FOXK1: variants seen among roughly 807,000 people sequenced by gnomAD.
FOXK1 encodes forkhead box K1.
In FOXK1, 19 loss-of-function variants were observed where a neutral mutation model predicts 51.9. The ratio of observed to expected loss-of-function variants is 0.37; its 90% CI spans 0.26 to 0.54. FOXK1 has a LOEUF of 0.54. Among genes scored for constraint, FOXK1 ranks in the 20% least tolerant of loss-of-function variants. The pLI is 0.87. For synonymous variants in FOXK1, 537 were observed against 482.6 expected (o/e 1.11, Z -1.48); for missense variants, 870 against 1,032.7 (o/e 0.84, Z 2.16).
intron 1 of FOXK1, among the ~76,000 whole-genome samples, chr7:4,697,741 CTGTGTGTGTGTGTGTGTGTG>C (rs57978112): frequency 2.7e-4 from 36 of 135,692 alleles, no homozygotes; most frequent in Middle Eastern, 3.7e-3. Context: ...GAAAGATAGG[CTGTGTGTGTGTGTGTGTGTG>C]TGTGTGTGTG....
rs939594835 is a variant in FOXK1 at position 4,683,280 on chromosome 7, C to G, written c.560+412C>G. Among the ~76,000 whole-genome samples the G allele has an allele frequency of 6.6e-6, 1 of 151,864 alleles. No individual in the cohort carries two copies. The highest frequency in any genetic ancestry group is 2.4e-5 in the African/African-American group (1 of 41,314). On this transcript the variant is annotated intron_variant, in intron 1 of 8. Coordinates refer to ENST00000328914, the MANE Select transcript of FOXK1 (RefSeq NM_001037165.2). The surrounding 1 kb of genome is among the most constrained non-coding windows in gnomAD (Gnocchi z 4.5). ...CCATCTGGCTGGGCCTCTTAGACCCCTGACCCAGATCCCTGCTGCTCCCCA... is the reference window on the plus strand; with the variant it reads ...CCATCTGGCTGGGCCTCTTAGACCCGTGACCCAGATCCCTGCTGCTCCCCA...
chr7:4,727,034 T>A (rs550305616), intron 1 of FOXK1, among the ~76,000 whole-genome samples: 18 of 152,326 alleles, frequency 1.2e-4, no homozygotes, highest in Admixed American at 3.3e-4. Context: ...AGCCTTGAAT[T>A]CCTGGGCTCA....
In FOXK1 at chr7:4,756,866, G is replaced by A; in HGVS notation, c.1051-128G>A. 2.0e-6 allele frequency: 2 copies of A among 994,854 alleles called. No individual in the cohort carries two copies. Among genetic ancestry groups the A allele is most frequent in the Non-Finnish European group, 2.9e-6 (2 of 679,352 alleles). 61.6% of individuals were successfully genotyped at this position (994,854 alleles called of 1,614,324 possible). ...GCTCCCGTGAGGCCCAGCCAGCACA[G>A]CACCAAGGGCTCTGCACAGAGGGAC... On this transcript the variant is annotated intron_variant, in intron 4 of 8. Coordinates refer to ENST00000328914, the MANE Select transcript of FOXK1 (RefSeq NM_001037165.2). The surrounding 1 kb of genome is among the most constrained non-coding windows in gnomAD (Gnocchi z 4.1).
At chr7:4,719,774 G>A (rs535562966) in intron 1 of FOXK1, among the ~76,000 whole-genome samples, 44 of 152,266 alleles carry the variant, frequency 2.9e-4, no homozygotes, top group African/African-American at 9.9e-4. Flanking sequence ...GAGCCACCGC[G>A]CCCGGCCTGC....
chr7:4,713,486 G>A (rs1404138385), intron 1 of FOXK1, among the ~76,000 whole-genome samples: 3 of 134,124 alleles, frequency 2.2e-5, no homozygotes, highest in African/African-American at 6.3e-5. Flanking sequence ...CATAACCACC[G>A]TGTTTTTTTT....
intron 1 of FOXK1, among the ~76,000 whole-genome samples, chr7:4,728,259 G>T (rs950421382): frequency 5.3e-5 from 8 of 152,208 alleles, no homozygotes; most frequent in Non-Finnish European, 1.0e-4. Context: ...TATTGTTGCT[G>T]TCCTTTCAAG....
Position 4,759,207 on chromosome 7 carries a change from A to C in FOXK1, c.1401A>C (p.Gln467His). 4 of 1,612,190 alleles carry C rather than the reference A, an allele frequency of 2.5e-6. No homozygotes were observed. Among genetic ancestry groups the C allele is most frequent in the Non-Finnish European group, 3.4e-6 (4 of 1,179,708 alleles). The change falls in exon 6 of 9, where the codon CAA (glutamine) becomes CAC (histidine). Residue 467 changes from glutamine to histidine, a missense_variant. Transcript: ENST00000328914. ...LASVPEYRYS[Q>H]SAPGSPVSAQ... is the part of the protein sequence containing the mutation. The stretch of plus-strand genomic sequence containing the variant: ...CTGTCCCAGAGTACCGGTATTCCCA[A>C]AGCGCACCCGGTAAGGAGCGGGCGG...
chr7:4,685,552 G>C (rs1284757464), intron 1 of FOXK1, among the ~76,000 whole-genome samples: 1 of 138,804 alleles, frequency 7.2e-6, no homozygotes. Flanking sequence ...TTTAATTTTA[G>C]AAAACTTACA....
At chr7:4,686,809 G>C (rs553528987) in intron 1 of FOXK1, among the ~76,000 whole-genome samples, 2 of 151,580 alleles carry the variant, frequency 1.3e-5, no homozygotes, top group East Asian at 1.9e-4. Context: ...TGTCCTAAAA[G>C]GACCATGAGC....
chr7:4,728,587 C>T (rs553697469), intron 1 of FOXK1, among the ~76,000 whole-genome samples: 1 of 152,230 alleles, frequency 6.6e-6, no homozygotes, highest in East Asian at 1.9e-4. Context: ...AGATGGGACT[C>T]CTCCTCCAGG....
chr7:4,691,802 C>T (rs1339391048), intron 1 of FOXK1, among the ~76,000 whole-genome samples: 1 of 152,170 alleles, frequency 6.6e-6, no homozygotes, highest in Non-Finnish European at 1.5e-5. Context: ...CCCGTGTACC[C>T]AGGGCAAGAG....
rs1375772463 is a variant in FOXK1, at chr7:4,707,269, T to C, written c.560+24401T>C. On this transcript the variant is annotated intron_variant, in intron 1 of 8. Transcript: ENST00000328914. The surrounding 1 kb of genome is among the most constrained non-coding windows in gnomAD (Gnocchi z 4.1). ...GGTGGTGTTCTGGTGGAGGGGACGC[T>C]GGTAAAGAGCAGGTCTGGCTCAGTG... Among the ~76,000 whole-genome samples the C allele has an allele frequency of 6.6e-6, 1 of 152,102 alleles. No individual in the cohort carries two copies. Among genetic ancestry groups the C allele is most frequent in the Non-Finnish European group, 1.5e-5 (1 of 68,036 alleles).
At chr7:4,696,887 G>A (rs1779958611) in intron 1 of FOXK1, among the ~76,000 whole-genome samples, 1 of 152,136 alleles carries the variant, frequency 6.6e-6, no homozygotes. Context: ...GGCCAACATG[G>A]TGAAACCCCA....
chr7:4,756,914 G>A lies in FOXK1; in HGVS notation c.1051-80G>A, dbSNP rs567528398. On this transcript the variant is annotated intron_variant, in intron 4 of 8. Coordinates refer to ENST00000328914, the MANE Select transcript of FOXK1 (RefSeq NM_001037165.2). The surrounding 1 kb of genome is among the most constrained non-coding windows in gnomAD (Gnocchi z 4.1). Reference sequence around the variant, plus strand: ...GACGGCCTCCCCTCACCCTGGTCCCGCATCTGCTGCAGATTTGAGGTGGGT... The same window carrying A: ...GACGGCCTCCCCTCACCCTGGTCCCACATCTGCTGCAGATTTGAGGTGGGT... 1.7e-5 allele frequency: 25 copies of A among 1,485,532 alleles called. No individual in the cohort carries two copies. In the East Asian group the frequency reaches 3.2e-4, roughly 19 times the overall value. The allele number at this position is 1,485,532 out of a possible 1,614,324, so 92.0% of individuals were successfully genotyped here.
chr7:4,706,526 G>T (rs1047669703), intron 1 of FOXK1, among the ~76,000 whole-genome samples: 2 of 152,146 alleles, frequency 1.3e-5, no homozygotes, highest in African/African-American at 4.8e-5. Flanking sequence ...CAGCATGGCT[G>T]GGTGTCTGTG....
intron 1 of FOXK1, among the ~76,000 whole-genome samples, chr7:4,687,378 C>T (rs527495152): frequency 8.6e-5 from 13 of 152,044 alleles, no homozygotes; most frequent in East Asian, 5.8e-4. Context: ...CTGAAACCTC[C>T]GCCTCCCAGG....
At chr7:4,701,314 G>GGT (rs1170135778) in intron 1 of FOXK1, among the ~76,000 whole-genome samples, 1 of 152,160 alleles carries the variant, frequency 6.6e-6, no homozygotes, top group African/African-American at 2.4e-5. Flanking sequence ...ACGTTTGTTG[G>GGT]GTACAGAGAC....
At chr7:4,760,883 T>C (rs145390347) in intron 7 of FOXK1, among the ~76,000 whole-genome samples, 181 bp from the exon 8 acceptor site, 1 of 152,168 alleles carries the variant, frequency 6.6e-6, no homozygotes, top group Non-Finnish European at 1.5e-5. Context: ...AAAATATTGT[T>C]CTAAAACCCT....
chr7:4,730,217 A>C lies in FOXK1; in HGVS notation c.561-10621A>C, dbSNP rs1207503205. 6.6e-6 allele frequency among the ~76,000 whole-genome samples: 1 copy of C among 152,160 alleles called. No homozygotes were observed. Among genetic ancestry groups the C allele is most frequent in the Non-Finnish European group, 1.5e-5 (1 of 68,032 alleles). Reference sequence around the variant, plus strand: ...AACGCATAAGAACTTATAAACACTAAAACTGCTACCGGGTTTTAATTCACA... The same window carrying C: ...AACGCATAAGAACTTATAAACACTACAACTGCTACCGGGTTTTAATTCACA... On this transcript the variant is annotated intron_variant, in intron 1 of 8. Transcript: ENST00000328914. This position sits in a 1 kb window ranked among gnomAD's most constrained non-coding sequence, Gnocchi z 4.7.
Sources: allele counts gnomAD v4.1 joint callset (sites outside exome capture counted in the v4.1 genomes callset), GRCh38; gene constraint gnomAD v4.1.1; non-coding constraint Gnocchi (gnomAD v3.1); transcripts MANE v1.5; gene names NCBI Gene and HGNC (gene_info 2026-07-23, HGNC 2026-07-21).